TKTL1: variants seen among roughly 807,000 people sequenced by gnomAD.
The protein encoded by TKTL1 is transketolase-like protein 1.
In TKTL1, 1 loss-of-function variant was observed where a neutral mutation model predicts 39.3. The ratio of observed to expected loss-of-function variants is 0.03; its 90% CI spans 0.01 to 0.12. TKTL1 has a LOEUF of 0.12. TKTL1 is among the 10% of genes least tolerant of loss of function. TKTL1 has a pLI of 1.00. For synonymous variants in TKTL1, 262 were observed against 193.8 expected, an observed-to-expected ratio of 1.35 and a Z score of -2.92; for missense variants, 575 against 509.6, an observed-to-expected ratio of 1.13 and a Z score of -1.24.
At chrX:154,323,444 A>G in intron 9 of TKTL1, 107 bp downstream of exon 9, 1 of 932,559 alleles carries the variant, frequency 1.1e-6, no homozygotes, top group Admixed American at 3.1e-5. Context: ...GATATTCATT[A>G]TAGAAAATTT....
At chrX:154,303,720 C>T (rs2067293700) in intron 1 of TKTL1, among the ~76,000 whole-genome samples, 1 of 107,844 alleles carries the variant, frequency 9.3e-6, no homozygotes, top group Non-Finnish European at 1.9e-5. Flanking sequence ...GGATTTATGC[C>T]TCACACTTCA....
At chrX:154,314,027 A>G (rs2067377969) in intron 6 of TKTL1, among the ~76,000 whole-genome samples, 1 of 111,319 alleles carries the variant, frequency 9.0e-6, no homozygotes, top group African/African-American at 3.3e-5. Context: ...ATTTTTAGGA[A>G]TACATAAAAT....
intron 1 of TKTL1, among the ~76,000 whole-genome samples, chrX:154,297,554 C>T (rs1224171592): frequency 8.9e-6 from 1 of 111,805 alleles, no homozygotes; most frequent in Non-Finnish European, 1.9e-5. Flanking sequence ...CCGCGCCTGG[C>T]CTGGTCTATA....
At chrX:154,318,543 C>CAA (rs55702707) in intron 7 of TKTL1, among the ~76,000 whole-genome samples, 2 of 86,266 alleles carry the variant, frequency 2.3e-5, no homozygotes, top group Non-Finnish European at 4.7e-5. Context: ...ACTAAAAATA[C>CAA]AAAAAAAAAA....
chrX:154,303,177 TTTTA>T (rs201017132), intron 1 of TKTL1, among the ~76,000 whole-genome samples: 16,957 of 88,663 alleles, frequency 0.19, 1,844 homozygotes, highest in South Asian at 0.36. Context: ...TTTTTAAAAT[TTTTA>T]TTTATTTATT....
chrX:154,324,930 AGTC>A (rs1470212189), intron 9 of TKTL1, among the ~76,000 whole-genome samples: 22 of 112,428 alleles, frequency 2.0e-4, no homozygotes, highest in Non-Finnish European at 3.8e-4. Context: ...GAAAGGGGCC[AGTC>A]GTCTTGTATT....
Position 154,320,776 on chromosome X carries a change from G to A in TKTL1, c.1049G>A (p.Cys350Tyr). The A allele has an allele frequency of 8.3e-7, 1 of 1,211,423 alleles. No homozygotes were observed. Among genetic ancestry groups the A allele is most frequent in the Non-Finnish European group, 1.1e-6 (1 of 895,161 alleles). The change falls in exon 8 of 13, where the codon TGT becomes TAT. Residue 350 changes from cysteine to tyrosine, a missense_variant. Coordinates refer to ENST00000369915, the MANE Select transcript of TKTL1 (RefSeq NM_012253.4). ...CTGCAGGTGAGCGTGGCTCTGGGCT[G>A]TGCCTCCCGTGGACGGACCATTGCT... is the stretch of plus-strand genomic sequence containing the variant. ...EQNMVSVALG[C>Y]ASRGRTIAFA...
intron 9 of TKTL1, among the ~76,000 whole-genome samples, chrX:154,324,216 G>T (rs782035817): frequency 9.0e-5 from 10 of 111,003 alleles, no homozygotes; most frequent in Non-Finnish European, 1.5e-4. Flanking sequence ...GCACAATCTC[G>T]GCTCACTGCA....
intron 1 of TKTL1, among the ~76,000 whole-genome samples, chrX:154,296,620 A>C (rs2067231077): frequency 9.0e-6 from 1 of 111,570 alleles, no homozygotes; most frequent in African/African-American, 3.3e-5. Flanking sequence ...TTTTTGCATC[A>C]GTTTGAGGGA....
intron 1 of TKTL1, among the ~76,000 whole-genome samples, chrX:154,300,695 T>G (rs1329238154): frequency 4.5e-5 from 5 of 110,282 alleles, no homozygotes; most frequent in Admixed American, 9.7e-5. Context: ...TTTTGTTTGT[T>G]TGTGTTTGTT....
chrX:154,310,511 G>A (rs1304785523), intron 3 of TKTL1, among the ~76,000 whole-genome samples: 3 of 112,465 alleles, frequency 2.7e-5, no homozygotes, highest in Admixed American at 9.4e-5. Flanking sequence ...AAATGTTTGG[G>A]GAACTTAAGG....
chrX:154,311,021 C>A lies in TKTL1; in HGVS notation c.536C>A (p.Ala179Asp). 8.3e-7 allele frequency: 1 copy of A among 1,211,862 alleles called. No homozygotes were observed. Residue 179 changes from alanine (A) to aspartate (D), a missense_variant, in exon 4 of 13, where the codon GCC becomes GAC. Ala to Asp is a moderately radical substitution (Grantham distance 126). Transcript: ENST00000369915. ...CINIYQRRCEAFGWNTYVVDG... is the reference protein window; with the variant it reads ...CINIYQRRCEDFGWNTYVVDG... Reference sequence around the variant, plus strand: ...AACATCTATCAGAGGCGCTGCGAAGCCTTTGGGTAACTGTATTCTCTTGTG... The same window carrying A: ...AACATCTATCAGAGGCGCTGCGAAGACTTTGGGTAACTGTATTCTCTTGTG...
rs782017163 is a variant in TKTL1, at chrX:154,327,898, G to A, written c.1558G>A (p.Val520Ile). ...TAAACCTCTGGATGTCGCCACCATC[G>A]TCTCCAGTGCAAAAGCCACAGAGGG... ...TIKPLDVATI[V>I]SSAKATEGRI... The change falls in exon 12 of 13, where the codon GTC (valine) becomes ATC (isoleucine). Residue 520 changes from valine to isoleucine, a missense_variant. Physicochemically the swap from Val to Ile is conservative, Grantham distance 29. Transcript: ENST00000369915. 8 of 1,211,397 alleles carry A rather than the reference G, an allele frequency of 6.6e-6. No individual in the cohort carries two copies. The highest frequency in any genetic ancestry group is 7.8e-6 in the Non-Finnish European group (7 of 895,153).
At chrX:154,316,122 G>A (rs891228024) in intron 7 of TKTL1, among the ~76,000 whole-genome samples, 1 of 111,612 alleles carries the variant, frequency 9.0e-6, no homozygotes, top group African/African-American at 3.3e-5. Context: ...TGTCGCCCAG[G>A]CTGGAGTGGA....
rs781806420 is a variant in TKTL1 at position 154,323,200 on chromosome X, C to G, written c.1187-7C>G. ...CTCCTGTTTTCATCGGGCTCTGGTT[C>G]TCTCAGGTGACGATGGTGCTTCCCA... is the stretch of plus-strand genomic sequence containing the variant. On this transcript the variant is annotated splice_region_variant and splice_polypyrimidine_tract_variant and intron_variant, in intron 8 of 12. Coordinates refer to ENST00000369915, the MANE Select transcript of TKTL1 (RefSeq NM_012253.4). 5.8e-6 allele frequency: 7 copies of G among 1,207,372 alleles called. No homozygotes were observed. In the South Asian group the frequency reaches 7.1e-5, roughly 12 times the overall value.
rs1465344859 is a variant in TKTL1 at position 154,311,119 on chromosome X, C to G, written c.551C>G (p.Thr184Ser). The G allele has an allele frequency of 3.3e-6, 4 of 1,210,579 alleles. No individual in the cohort carries two copies. Among genetic ancestry groups the G allele is most frequent in the Admixed American group, 4.4e-5 (2 of 45,792 alleles). The change falls in exon 5 of 13, where the codon ACT becomes AGT. Residue 184 changes from threonine (T) to serine (S), a missense_variant. Thr to Ser is a moderately conservative substitution (Grantham distance 58). Coordinates refer to ENST00000369915, the MANE Select transcript of TKTL1 (RefSeq NM_012253.4). ...QRRCEAFGWN[T>S]YVVDGRDVEA... ...TGCTCCTCTGTTGGCAGGTGGAACA[C>G]TTATGTGGTGGACGGCCGGGACGTG...
intron 8 of TKTL1, 100 bp from the exon 9 acceptor site, chrX:154,323,103 CCCGT>C (rs781836098): frequency 1.8e-5 from 19 of 1,045,454 alleles, no homozygotes; most frequent in Non-Finnish European, 2.3e-5. Context: ...CTCGGGACAC[CCCGT>C]GGCAATAGGA....
At chrX:154,305,006 C>T in intron 1 of TKTL1, 3 of 1,050,110 alleles carry the variant, frequency 2.9e-6, no homozygotes, top group Non-Finnish European at 3.8e-6. Context: ...GTGGAAAGGC[C>T]ACAGATGAAT....
chrX:154,306,922 C>T (rs782079023), intron 2 of TKTL1, among the ~76,000 whole-genome samples: 4 of 110,250 alleles, frequency 3.6e-5, no homozygotes, highest in African/African-American at 1.0e-4. Flanking sequence ...AACAAGCCAC[C>T]GCTTCCAGCC....
Sources: allele counts gnomAD v4.1 joint callset (sites outside exome capture counted in the v4.1 genomes callset), GRCh38; gene constraint gnomAD v4.1.1; transcripts MANE v1.5; gene names NCBI Gene and HGNC (gene_info 2026-07-23, HGNC 2026-07-21).